TTC39A: variants seen among roughly 807,000 people sequenced by gnomAD.
TTC39A encodes the protein tetratricopeptide repeat domain 39A, also known as tetratricopeptide repeat protein 39A.
A neutral mutation model predicts 82.3 loss-of-function variants in TTC39A; 46 were observed. The observed-to-expected ratio is 0.56, with a 90% CI of 0.44 to 0.71. TTC39A has a LOEUF of 0.71. Ranked by LOEUF, TTC39A falls within the 30% of genes least tolerant of loss-of-function variation. The pLI is 0.00. For missense variants in TTC39A, 543 were observed against 712.9 expected (o/e 0.76, Z 2.71); for synonymous variants, 254 against 275.2 (o/e 0.92, Z 0.76).
Position 51,294,906 on chromosome 1 carries a change from C to T in TTC39A, c.1146-395G>A, listed in dbSNP as rs1644357040. ...ACACTCGGAGAAAGGGTGGGACCTA[C>T]CCAAGACCAAACAGCTCAAACCCTT... On this transcript the variant is annotated intron_variant, in intron 13 of 17. Coordinates refer to ENST00000680483, the MANE Select transcript of TTC39A (RefSeq NM_001297663.2). This position sits in a 1 kb window ranked among gnomAD's most constrained non-coding sequence, Gnocchi z 4.3. Among the ~76,000 whole-genome samples the T allele has an allele frequency of 6.6e-6, 1 of 152,252 alleles. No homozygotes were observed. The highest frequency in any genetic ancestry group is 1.5e-5 in the Non-Finnish European group (1 of 68,046).
chr1:51,302,545 G>A lies in TTC39A; in HGVS notation c.792C>T (p.Ala264=), dbSNP rs755768691. Reference sequence around the variant, plus strand: ...TCAGGTAGGGCTTCAAGAGCTTCTCGGCCTCCTCGATGTTGACGTTCCCAG... The same window carrying A: ...TCAGGTAGGGCTTCAAGAGCTTCTCAGCCTCCTCGATGTTGACGTTCCCAG... ...LGTGNVNIEE[A]EKLLKPYLNR... The change falls in exon 10 of 18, where the codon GCC becomes GCT. Residue 264 remains alanine (A), a synonymous_variant. Coordinates refer to ENST00000680483, the MANE Select transcript of TTC39A (RefSeq NM_001297663.2). The A allele has an allele frequency of 9.2e-5, 148 of 1,607,464 alleles. 1 individual carries two copies. The highest frequency in any genetic ancestry group is 5.6e-4 in the Admixed American group (33 of 58,982).
At chr1:51,330,691 ACCG>A (rs1645885601), upstream of TTC39A, 1 of 922,916 alleles carries the variant, frequency 1.1e-6, no homozygotes, top group African/African-American at 1.8e-5. The surrounding 1 kb of genome is among the most constrained non-coding windows in gnomAD (Gnocchi z 4.5). Context: ...GCGCTCCCGC[ACCG>A]CCGGGGGTTC....
chr1:51,322,255 C>G (rs1411467137), intron 1 of TTC39A: 1 of 1,471,832 alleles, frequency 6.8e-7, no homozygotes, highest in Non-Finnish European at 9.0e-7. Context: ...CTCCCTCCCC[C>G]AGGCCTGGAC....
At chr1:51,290,891 C>T (rs771079805) in intron 14 of TTC39A, among the ~76,000 whole-genome samples, 42 of 152,258 alleles carry the variant, frequency 2.8e-4, no homozygotes, top group Non-Finnish European at 4.9e-4. Flanking sequence ...CATAGCTGCC[C>T]AAGTTTTCCA....
In TTC39A at chr1:51,321,693, C is replaced by G. The variant is rs770501638; in HGVS notation, c.146+28G>C. The G allele has an allele frequency of 6.2e-7, 1 of 1,606,438 alleles. No homozygotes were observed. The highest frequency in any genetic ancestry group is 1.7e-5 in the Admixed American group (1 of 59,468). On this transcript the variant is annotated intron_variant, in intron 2 of 17. Coordinates refer to ENST00000680483, the MANE Select transcript of TTC39A (RefSeq NM_001297663.2). This position sits in a 1 kb window ranked among gnomAD's most constrained non-coding sequence, Gnocchi z 4.6. ...TTCTCCCTGACCGTCATGCACACCC[C>G]CTACCCCAACCGGGGCTTGAGCCTC...
Position 51,330,328 on chromosome 1 carries a change from G to T in TTC39A, c.41+109C>A. On this transcript the variant is annotated intron_variant, in intron 1 of 17. Coordinates refer to ENST00000680483, the MANE Select transcript of TTC39A (RefSeq NM_001297663.2). The surrounding 1 kb of genome is among the most constrained non-coding windows in gnomAD (Gnocchi z 4.5). ...GGCGGGGTGGGGGCTGGAAGCCGCA[G>T]TGCGGCCCCAGGCCGGTGCGCGGGG... is the stretch of plus-strand genomic sequence containing the variant. The T allele has an allele frequency of 2.2e-6, 2 of 916,754 alleles. No homozygotes were observed. The highest frequency in any genetic ancestry group is 1.8e-5 in the African/African-American group (1 of 55,654). 56.8% of individuals were successfully genotyped at this position (916,754 alleles called of 1,614,324 possible). A position where few individuals can be genotyped will look rare whatever the true frequency, so the allele number is the denominator to read the frequency against.
intron 1 of TTC39A, among the ~76,000 whole-genome samples, chr1:51,326,234 C>A (rs1387125584): frequency 6.6e-6 from 1 of 152,138 alleles, no homozygotes; most frequent in Non-Finnish European, 1.5e-5. Flanking sequence ...CAGCCTGGGG[C>A]ACTGAGGAGG....
chr1:51,288,062 A>AG lies in TTC39A; in HGVS notation c.*94dup. 2.0e-6 allele frequency: 3 copies of AG among 1,525,810 alleles called. No individual in the cohort carries two copies. The South Asian group carries it at 3.7e-5, about 19-fold the overall frequency. The allele number at this position is 1,525,810 out of a possible 1,614,324, so 94.5% of individuals were successfully genotyped here. A position where few individuals can be genotyped will look rare whatever the true frequency, so the allele number is the denominator to read the frequency against. ...CAACTGGAGTGCCGGTGGACCCCAA[A>AG]GGCAGGGCAGGGCAGGGGGAGGGGG... is the stretch of plus-strand genomic sequence containing the variant. On this transcript the variant is annotated 3_prime_UTR_variant, in exon 18 of 18. Coordinates refer to ENST00000680483, the MANE Select transcript of TTC39A (RefSeq NM_001297663.2). The surrounding 1 kb of genome is among the most constrained non-coding windows in gnomAD (Gnocchi z 4.8).
chr1:51,291,881 G>A lies in TTC39A; in HGVS notation c.1267-1256C>T, dbSNP rs549711336. Among the ~76,000 whole-genome samples the A allele has an allele frequency of 9.9e-5, 15 of 151,430 alleles. No individual in the cohort carries two copies. The East Asian group carries it at 1.9e-3, about 20-fold the overall frequency. ...CCTTTTGTTTGTTTGTTTTTGCCTC[G>A]ACTGCCAGGAAGCTCAGAATACTAA... On this transcript the variant is annotated intron_variant, in intron 14 of 17. Coordinates refer to ENST00000680483, the MANE Select transcript of TTC39A (RefSeq NM_001297663.2).
rs372640830 is a variant in TTC39A, at chr1:51,294,814, C to T, written c.1146-303G>A. Among the ~76,000 whole-genome samples, 5 of 152,222 alleles carry T rather than the reference C, an allele frequency of 3.3e-5. No individual in the cohort carries two copies. Among genetic ancestry groups the T allele is most frequent in the Admixed American group, 1.3e-4 (2 of 15,292 alleles). ...GGCCCTGCCTCCTAGTTATCGCCTC[C>T]ACTCCCAGGCTCCATTTCTGGGGAG... On this transcript the variant is annotated intron_variant, in intron 13 of 17. Transcript: ENST00000680483. The surrounding 1 kb of genome is among the most constrained non-coding windows in gnomAD (Gnocchi z 4.3).
At chr1:51,329,406 C>T (rs1350322821) in intron 1 of TTC39A, among the ~76,000 whole-genome samples, 3 of 152,202 alleles carry the variant, frequency 2.0e-5, no homozygotes, top group African/African-American at 7.2e-5. Flanking sequence ...GGGTTAAGGA[C>T]TTGGCCAAAG....
At chr1:51,322,610 GAATGAAGA>G (rs1390727706) in intron 1 of TTC39A, among the ~76,000 whole-genome samples, 2 of 144,218 alleles carry the variant, frequency 1.4e-5, no homozygotes, top group South Asian at 2.1e-4. Flanking sequence ...ATGAATGAAT[GAATGAAGA>G]GTCTAAGGCT....
At chr1:51,312,025 C>G (rs894949881) in intron 4 of TTC39A, 94 bp downstream of exon 4, 1 of 1,348,944 alleles carries the variant, frequency 7.4e-7, no homozygotes, top group Non-Finnish European at 1.0e-6. Flanking sequence ...GCCTGGCCCC[C>G]TAGGCGATGA....
chr1:51,331,297 G>C (rs1645907154), upstream of TTC39A: 1 of 1,544,856 alleles, frequency 6.5e-7, no homozygotes, highest in African/African-American at 1.4e-5. Flanking sequence ...AATGTCCACT[G>C]TGCACCGAGC....
intron 6 of TTC39A, among the ~76,000 whole-genome samples, chr1:51,308,276 G>A (rs915283820): frequency 1.3e-5 from 2 of 148,988 alleles, no homozygotes; most frequent in Admixed American, 6.7e-5. Context: ...GTCTCGCTCT[G>A]TCACCCAGGC....
At chr1:51,311,381 C>T (rs1645076924) in intron 4 of TTC39A, 60 bp from the exon 5 acceptor site, 9 of 1,467,190 alleles carry the variant, frequency 6.1e-6, no homozygotes, top group Admixed American at 2.1e-5. Flanking sequence ...AGGCCTGGGA[C>T]AAATCCTCAC....
At chr1:51,292,623 G>A (rs1007596339) in intron 14 of TTC39A, among the ~76,000 whole-genome samples, 2 of 152,020 alleles carry the variant, frequency 1.3e-5, no homozygotes, top group Non-Finnish European at 2.9e-5. Context: ...TAAAGATGGG[G>A]TTTCACCATG....
At chr1:51,342,921 C>A (rs971655474) in intron 1 of TTC39A, 1 of 413,782 alleles carries the variant, frequency 2.4e-6, no homozygotes, top group Non-Finnish European at 5.0e-6. Context: ...TTCTCCTAAC[C>A]CATACCCCAG....
chr1:51,309,433 G>C (rs1644999272), intron 5 of TTC39A, 108 bp from the exon 6 acceptor site: 3 of 1,576,568 alleles, frequency 1.9e-6, no homozygotes, highest in Non-Finnish European at 2.6e-6. Flanking sequence ...GAGGAACCCT[G>C]GGGGGATGAG....
Sources: gnomAD v4.1 joint callset for allele counts (sites outside exome capture counted in the v4.1 genomes callset) on GRCh38, gnomAD v4.1.1 for gene constraint, Gnocchi (gnomAD v3.1) non-coding constraint, MANE v1.5 for transcripts, NCBI Gene and HGNC (gene_info 2026-07-23, HGNC 2026-07-21) for gene names.